Variants in PRUNE2 observed in about 807,000 individuals in gnomAD.
PRUNE2 encodes the protein prune homolog 2 with BCH domain.
A neutral mutation model predicts 252.0 loss-of-function variants in PRUNE2; 164 were observed. That is an observed-to-expected ratio of 0.65 (90% CI 0.57 to 0.74). The LOEUF is 0.74. Among genes scored for constraint, PRUNE2 ranks in the 30% least tolerant of loss-of-function variants. The pLI, the probability that PRUNE2 is intolerant of heterozygous loss-of-function variation, is 0.00. For missense variants in PRUNE2, 3,495 were observed against 3,711.0 expected (o/e 0.94, Z 1.51); for synonymous variants, 1,292 against 1,350.2 (o/e 0.96, Z 0.94).
At chr9:76,807,965 G>A (rs939545793) in intron 6 of PRUNE2, among the ~76,000 whole-genome samples, 1 of 152,118 alleles carries the variant, frequency 6.6e-6, no homozygotes, top group Non-Finnish European at 1.5e-5. Context: ...ATCACCTGAG[G>A]TCAGGAGTTC....
intron 6 of PRUNE2, among the ~76,000 whole-genome samples, chr9:76,822,865 T>C (rs2058114802): frequency 2.0e-5 from 3 of 151,862 alleles, no homozygotes; most frequent in Admixed American, 2.0e-4. Context: ...AAACACAAAT[T>C]CCTATAGAGC....
At chr9:76,642,001 T>TCAAAAAAAAAAAAAAA in intron 12 of PRUNE2, 1 of 1,010,460 alleles carries the variant, frequency 9.9e-7, no homozygotes, top group Non-Finnish European at 1.4e-6. Context: ...ATAAGAGAAG[T>TCAAAAAAAAAAAAAAA]AAAAAAAAAA....
intron 9 of PRUNE2, among the ~76,000 whole-genome samples, chr9:76,694,955 T>C (rs534752395): frequency 9.8e-5 from 15 of 152,294 alleles, no homozygotes; most frequent in South Asian, 4.1e-4. Flanking sequence ...CTTTGAAGAT[T>C]ACATATTATC....
At chr9:76,642,104 C>CAAAA in intron 12 of PRUNE2, 1 of 747,546 alleles carries the variant, frequency 1.3e-6, no homozygotes, top group Non-Finnish European at 2.1e-6. Flanking sequence ...GCTCCAAGTT[C>CAAAA]AAAAAAAAAG....
intron 9 of PRUNE2, among the ~76,000 whole-genome samples, chr9:76,694,259 T>G (rs1316581463): frequency 6.6e-6 from 1 of 151,548 alleles, no homozygotes; most frequent in African/African-American, 2.4e-5. Flanking sequence ...CTCGGTTCAC[T>G]GCAACCTCTG....
chr9:76,615,769 G>GTTTTTTTTTTTT lies in PRUNE2; in HGVS notation c.9237-1181_9237-1170dup, dbSNP rs58726178. Among the ~76,000 whole-genome samples the GTTTTTTTTTTTT allele has an allele frequency of 6.4e-5, 6 of 93,992 alleles. 1 individual carries two copies. The highest frequency in any genetic ancestry group is 3.1e-4 in the Admixed American group (2 of 6,480). The allele number at this position is 93,992 out of a possible 152,430, so 61.7% of individuals were successfully genotyped here. A position where few individuals can be genotyped will look rare whatever the true frequency, so the allele number is the denominator to read the frequency against. ...TTTTTGTTGTTGTTTTGTGTGTGTG[G>GTTTTTTTTTTTT]TTTTTTTTTTTTTTTTTTTGAGATG... On this transcript the variant is annotated intron_variant, in intron 18 of 18. Coordinates refer to ENST00000376718, the MANE Select transcript of PRUNE2 (RefSeq NM_015225.3).
At chr9:76,666,243 C>T (rs2040134405) in intron 9 of PRUNE2, among the ~76,000 whole-genome samples, 1 of 152,138 alleles carries the variant, frequency 6.6e-6, no homozygotes, top group East Asian at 1.9e-4. Flanking sequence ...GGAAAACACC[C>T]GCTACTTAGC....
At position 76,636,532 on chromosome 9, in the gene PRUNE2, T is replaced by G. The variant is rs1840133001; in HGVS notation, c.8989A>C (p.Ile2997Leu). 6.4e-7 allele frequency: 1 copy of G among 1,554,662 alleles called. No homozygotes were observed. The change falls in exon 15 of 19, where the codon ATC (isoleucine) becomes CTC (leucine). Residue 2997 changes from isoleucine (I) to leucine (L), a missense_variant. Coordinates refer to ENST00000376718, the MANE Select transcript of PRUNE2 (RefSeq NM_015225.3). ...ATGAACCAAGATGGATGAACAATGA[T>G]GAATGATTTCAAATTCTTCCTCAAC... is the stretch of plus-strand genomic sequence containing the variant. ...RRLRKNLKSF[I>L]IVHPSWFIRT...
intron 4 of PRUNE2, among the ~76,000 whole-genome samples, chr9:76,829,530 C>T (rs2058547589): frequency 6.6e-6 from 1 of 152,150 alleles, no homozygotes; most frequent in Non-Finnish European, 1.5e-5. Flanking sequence ...GGAACACAGC[C>T]ATGTTCATTA....
intron 4 of PRUNE2, among the ~76,000 whole-genome samples, chr9:76,828,670 T>C (rs1292925115): frequency 1.3e-5 from 2 of 152,162 alleles, no homozygotes; most frequent in African/African-American, 4.8e-5. Context: ...CAGCTGGATT[T>C]TGTGTATACC....
intron 4 of PRUNE2, among the ~76,000 whole-genome samples, chr9:76,844,859 T>C (rs906329354): frequency 2.0e-5 from 3 of 151,858 alleles, no homozygotes; most frequent in African/African-American, 7.3e-5. Context: ...GAAAAACATC[T>C]GATGTTAAGA....
chr9:76,713,763 C>T, intron 6 of PRUNE2, 42 bp from the exon 7 acceptor site: 1 of 1,464,162 alleles, frequency 6.8e-7, no homozygotes. Context: ...GTCAAACTGC[C>T]CAGCTGCGGG....
chr9:76,715,500 C>T (rs148045057), intron 6 of PRUNE2, among the ~76,000 whole-genome samples: 4 of 152,146 alleles, frequency 2.6e-5, no homozygotes, highest in East Asian at 3.8e-4. Flanking sequence ...ATTGCACATA[C>T]GAATCCACAA....
intron 1 of PRUNE2, among the ~76,000 whole-genome samples, chr9:76,892,071 A>C (rs1318111176): frequency 1.4e-5 from 2 of 143,332 alleles, no homozygotes; most frequent in Non-Finnish European, 3.1e-5. Flanking sequence ...TAGCCCCCCC[A>C]GCCAGATTCT....
chr9:76,779,419 T>C (rs1375479708), intron 6 of PRUNE2, among the ~76,000 whole-genome samples: 1 of 152,188 alleles, frequency 6.6e-6, no homozygotes, highest in Non-Finnish European at 1.5e-5. Flanking sequence ...AAAGCTCTTC[T>C]TCAAGACAAA....
At position 76,871,062 on chromosome 9, in the gene PRUNE2, A is replaced by G. The variant is rs114160683; in HGVS notation, c.37-16854T>C. Among the ~76,000 whole-genome samples, 1,069 of 152,288 alleles carry G rather than the reference A, an allele frequency of 7.0e-3. 9 individuals are homozygous for G. The highest frequency in any genetic ancestry group is 0.024 in the African/African-American group (1,012 of 41,552). ...GAATCCTACGTTATCCCTATGTGACAGATAAATTTGGTCCATATAGACTGT... is the reference window on the plus strand; with the variant it reads ...GAATCCTACGTTATCCCTATGTGACGGATAAATTTGGTCCATATAGACTGT... On this transcript the variant is annotated intron_variant, in intron 1 of 18. Coordinates refer to ENST00000376718, the MANE Select transcript of PRUNE2 (RefSeq NM_015225.3).
intron 1 of PRUNE2, among the ~76,000 whole-genome samples, chr9:76,902,894 G>C (rs896594496): frequency 1.5e-4 from 23 of 152,260 alleles, no homozygotes; most frequent in African/African-American, 5.3e-4. Context: ...TATTAGAAAG[G>C]GAGATTTAGG....
intron 4 of PRUNE2, among the ~76,000 whole-genome samples, chr9:76,841,190 G>A (rs527291098): frequency 3.9e-5 from 6 of 152,206 alleles, no homozygotes; most frequent in African/African-American, 1.2e-4. Flanking sequence ...GTGGGGTATC[G>A]CCTCACCCAG....
At chr9:76,834,424 G>A (rs1186615978) in intron 4 of PRUNE2, among the ~76,000 whole-genome samples, 1 of 152,122 alleles carries the variant, frequency 6.6e-6, no homozygotes, top group East Asian at 1.9e-4. Flanking sequence ...AAAATTACCT[G>A]TATTTCCATA....
Sources: allele counts gnomAD v4.1 joint callset (sites outside exome capture counted in the v4.1 genomes callset), GRCh38; gene constraint gnomAD v4.1.1; transcripts MANE v1.5; gene names NCBI Gene and HGNC (gene_info 2026-07-23, HGNC 2026-07-21).